Variants in CRISPLD2 observed in about 807,000 individuals in gnomAD.
The protein encoded by CRISPLD2 is cysteine-rich secretory protein LCCL domain-containing 2.
Under a neutral mutation model 71.1 loss-of-function variants are expected in CRISPLD2, and 47 were observed. That is an observed-to-expected ratio of 0.66 (90% CI 0.52 to 0.84). The LOEUF (loss-of-function observed/expected upper bound fraction) is 0.84, where lower values mean the gene tolerates loss of function less well. CRISPLD2 is among the 40% of genes least tolerant of loss of function. The pLI, the probability that CRISPLD2 is intolerant of heterozygous loss-of-function variation, is 0.00. For synonymous variants in CRISPLD2, 317 were observed against 250.1 expected (o/e 1.27, Z -2.52); for missense variants, 830 against 651.1 (o/e 1.27, Z -2.99).
chr16:84,876,501 C>CA (rs1034761293), intron 11 of CRISPLD2, among the ~76,000 whole-genome samples: 209 of 130,802 alleles, frequency 1.6e-3, no homozygotes, highest in East Asian at 3.9e-3. Context: ...GACTCCGTCT[C>CA]AAAAAAAAAA....
At chr16:84,849,309 T>A (rs1917010082) in intron 3 of CRISPLD2, 76 bp from the exon 4 acceptor site, 2 of 1,431,312 alleles carry the variant, frequency 1.4e-6, no homozygotes, top group East Asian at 4.8e-5. Flanking sequence ...CCCTCCTACC[T>A]GCCCGTGGCT....
At chr16:84,873,308 T>C (rs1435451415) in intron 10 of CRISPLD2, 186 bp downstream of exon 10, 4 of 518,704 alleles carry the variant, frequency 7.7e-6, no homozygotes, top group African/African-American at 6.1e-5. Flanking sequence ...TGAAAGTCCG[T>C]CTCTACTAAA....
chr16:84,850,665 T>C lies in CRISPLD2; in HGVS notation c.590T>C (p.Val197Ala). 6.2e-7 allele frequency: 1 copy of C among 1,613,956 alleles called. No homozygotes were observed. Among genetic ancestry groups the C allele is most frequent in the African/African-American group, 1.3e-5 (1 of 75,038 alleles). ...GEVWENAVYF[V>A]CNYSPKGNWI... is the part of the protein sequence containing the mutation. ...GTTTGGGAGAACGCGGTCTACTTTG[T>C]CTGCAATTATTCTCCAAAGTAAGAC... The change falls in exon 5 of 15, where the codon GTC becomes GCC. Residue 197 changes from valine (V) to alanine (A), a missense_variant. Coordinates refer to ENST00000262424, the MANE Select transcript of CRISPLD2 (RefSeq NM_031476.4).
At chr16:84,867,792 C>A (rs1485267469) in intron 7 of CRISPLD2, among the ~76,000 whole-genome samples, 1 of 152,130 alleles carries the variant, frequency 6.6e-6, no homozygotes, top group African/African-American at 2.4e-5. Context: ...CAGGAATCCC[C>A]AAAATATTGA....
intron 6 of CRISPLD2, among the ~76,000 whole-genome samples, chr16:84,862,534 C>T (rs1190245547): frequency 6.6e-6 from 1 of 152,140 alleles, no homozygotes; most frequent in African/African-American, 2.4e-5. Flanking sequence ...GTTTCCACTT[C>T]TGCTACTATA....
intron 14 of CRISPLD2, among the ~76,000 whole-genome samples, chr16:84,896,586 G>A (rs530024086): frequency 5.9e-5 from 9 of 152,210 alleles, no homozygotes; most frequent in Non-Finnish European, 1.0e-4. Context: ...AGGTGATTTT[G>A]CTCAGCTGTG....
chr16:84,854,837 A>T lies in CRISPLD2; in HGVS notation c.709+8A>T. 1.9e-6 allele frequency: 3 copies of T among 1,603,560 alleles called. No homozygotes were observed. The highest frequency in any genetic ancestry group is 1.7e-6 in the Non-Finnish European group (2 of 1,170,472). On this transcript the variant is annotated splice_region_variant and intron_variant, in intron 6 of 14. Transcript: ENST00000262424. ...ACAACTTGTGTTACCGAGGTAGGAA[A>T]TTTACTCCCAACACTTTTGCAATGA...
intron 7 of CRISPLD2, among the ~76,000 whole-genome samples, chr16:84,868,442 C>G (rs944862450): frequency 6.6e-6 from 1 of 152,186 alleles, no homozygotes; most frequent in Non-Finnish European, 1.5e-5. Flanking sequence ...CCCACAGGCT[C>G]GGAGCAGCAT....
At chr16:84,830,850 G>A (rs572292900) in intron 1 of CRISPLD2, among the ~76,000 whole-genome samples, 3 of 152,292 alleles carry the variant, frequency 2.0e-5, no homozygotes, top group East Asian at 1.9e-4. Context: ...GAAAGGCTGC[G>A]TGACCGTGTG....
Position 84,849,651 on chromosome 16 carries a change from A to C in CRISPLD2, c.492+134A>C. ...TTCATTTTTAAAAATTCAGTTCTATACAGAGTACAGCTGGGAGAAGAAGCT... is the reference window on the plus strand; with the variant it reads ...TTCATTTTTAAAAATTCAGTTCTATCCAGAGTACAGCTGGGAGAAGAAGCT... On this transcript the variant is annotated intron_variant, in intron 4 of 14. Transcript: ENST00000262424. 3 of 894,852 alleles carry C rather than the reference A, an allele frequency of 3.4e-6. No homozygotes were observed. The South Asian group carries it at 4.9e-5, about 15-fold the overall frequency. 55.4% of individuals were successfully genotyped at this position (894,852 alleles called of 1,614,324 possible). A position where few individuals can be genotyped will look rare whatever the true frequency, so the allele number is the denominator to read the frequency against.
At chr16:84,833,075 C>A (rs888142134) in intron 1 of CRISPLD2, among the ~76,000 whole-genome samples, 12 of 152,176 alleles carry the variant, frequency 7.9e-5, no homozygotes, top group Admixed American at 6.5e-5. Context: ...TTAAACTAGC[C>A]ACACAGTCTC....
In CRISPLD2 at chr16:84,887,607, C is replaced by T. The variant is rs188802227; in HGVS notation, c.1306-1623C>T. ...AAATTTGAAGTCAGGCCGGGCGCGG[C>T]GGCTCACGCCTGTAGTCCCAGCACT... On this transcript the variant is annotated intron_variant, in intron 13 of 14. Coordinates refer to ENST00000262424, the MANE Select transcript of CRISPLD2 (RefSeq NM_031476.4). 1.8e-4 allele frequency among the ~76,000 whole-genome samples: 28 copies of T among 152,292 alleles called. No homozygotes were observed. The East Asian group carries it at 3.3e-3, about 18-fold the overall frequency.
At chr16:84,883,260 A>G (rs997536402) in intron 13 of CRISPLD2, among the ~76,000 whole-genome samples, 8 of 152,146 alleles carry the variant, frequency 5.3e-5, no homozygotes, top group African/African-American at 1.4e-4. Flanking sequence ...GAAAATGTCT[A>G]TTTAGCTAAG....
intron 6 of CRISPLD2, among the ~76,000 whole-genome samples, chr16:84,860,745 T>C (rs4293363): frequency 0.46 from 69,727 of 151,962 alleles, 16,202 homozygotes; most frequent in South Asian, 0.54. Context: ...ATGCCCTCAC[T>C]TTAATAAGTA....
At chr16:84,826,944 C>G (rs1916366343) in intron 1 of CRISPLD2, among the ~76,000 whole-genome samples, 1 of 152,212 alleles carries the variant, frequency 6.6e-6, no homozygotes, top group Non-Finnish European at 1.5e-5. Flanking sequence ...CCTCTTAATC[C>G]AGTCTTCAAA....
chr16:84,854,019 C>G (rs1479594117), intron 5 of CRISPLD2, among the ~76,000 whole-genome samples: 1 of 152,126 alleles, frequency 6.6e-6, no homozygotes, highest in East Asian at 1.9e-4. Flanking sequence ...GTTTTCCTGC[C>G]CCTGGGAACT....
At chr16:84,865,326 T>G (rs1240342041) in intron 6 of CRISPLD2, among the ~76,000 whole-genome samples, 1 of 152,150 alleles carries the variant, frequency 6.6e-6, no homozygotes, top group Non-Finnish European at 1.5e-5. Context: ...CAGCTAATTT[T>G]TGTATTTTTA....
intron 14 of CRISPLD2, 30 bp from the exon 15 acceptor site, chr16:84,906,558 G>A (rs750232260): frequency 1.9e-6 from 3 of 1,611,358 alleles, no homozygotes; most frequent in South Asian, 2.2e-5. Flanking sequence ...AGATCTCTCA[G>A]TAACGGGCCC....
rs905364985 is a variant in CRISPLD2 at position 84,824,729 on chromosome 16, C to G, written c.-75+4596C>G. 9.8e-5 allele frequency among the ~76,000 whole-genome samples: 15 copies of G among 152,334 alleles called. 2 individuals carry two copies. The South Asian group carries it at 3.1e-3, about 32-fold the overall frequency. ...TGTTCACGGCACCAGTGATCAGGTT[C>G]TCTGCCAGTGGGAGTGATAGAAAGT... On this transcript the variant is annotated intron_variant, in intron 1 of 14. Transcript: ENST00000262424.
Sources: gnomAD v4.1 joint callset for allele counts (sites outside exome capture counted in the v4.1 genomes callset) on GRCh38, gnomAD v4.1.1 for gene constraint, MANE v1.5 for transcripts, NCBI Gene and HGNC (gene_info 2026-07-23, HGNC 2026-07-21) for gene names.